Variants in PPME1 observed in about 807,000 individuals in gnomAD.
PPME1 encodes protein phosphatase methylesterase 1, also known as testicular secretory protein Li 39.
PPME1 carries 17 observed loss-of-function variants against 56.9 expected under a neutral mutation model. The ratio of observed to expected loss-of-function variants is 0.30; its 90% confidence interval spans 0.20 to 0.45. The LOEUF is 0.45. PPME1 is among the 20% of genes least tolerant of loss of function. The pLI is 1.00. For missense variants in PPME1, 357 were observed against 483.2 expected (o/e 0.74, Z 2.45); for synonymous variants, 122 against 156.2 (o/e 0.78, Z 1.63).
chr11:74,194,438 G>T (rs1273594663), intron 1 of PPME1, among the ~76,000 whole-genome samples: 1 of 152,088 alleles, frequency 6.6e-6, no homozygotes, highest in African/African-American at 2.4e-5. Flanking sequence ...TGGTCTAAGT[G>T]CCTCTCTGGA....
intron 1 of PPME1, among the ~76,000 whole-genome samples, chr11:74,202,827 C>T (rs894739159): frequency 6.6e-6 from 1 of 152,118 alleles, no homozygotes; most frequent in African/African-American, 2.4e-5. Context: ...CCCAATCATA[C>T]TTTCCTTTCC....
chr11:74,204,316 G>A (rs759924832), intron 2 of PPME1, 37 bp from the exon 3 acceptor site: 2 of 1,524,758 alleles, frequency 1.3e-6, no homozygotes, highest in South Asian at 2.3e-5. Context: ...ACTTTAGTGA[G>A]CAAAAACATA....
intron 3 of PPME1, among the ~76,000 whole-genome samples, chr11:74,221,644 T>G (rs1013586963): frequency 1.3e-5 from 2 of 152,172 alleles, no homozygotes; most frequent in Non-Finnish European, 2.9e-5. Context: ...AAGTTAAAAT[T>G]TGGTGACATT....
At chr11:74,185,653 T>C (rs1355639492) in intron 1 of PPME1, among the ~76,000 whole-genome samples, 2 of 150,498 alleles carry the variant, frequency 1.3e-5, no homozygotes, top group Admixed American at 6.6e-5. Context: ...ATTATATCTT[T>C]TTTTTTTTTT....
chr11:74,210,994 C>T (rs552486127), intron 3 of PPME1, among the ~76,000 whole-genome samples: 1 of 152,278 alleles, frequency 6.6e-6, no homozygotes, highest in South Asian at 2.1e-4. Context: ...TGACAAACTA[C>T]TAGTTAAGCA....
chr11:74,204,146 A>ATGT (rs113525320), intron 2 of PPME1, among the ~76,000 whole-genome samples: 279 of 143,284 alleles, frequency 1.9e-3, no homozygotes, highest in African/African-American at 6.7e-3. Context: ...GGCAAAGGGA[A>ATGT]TTTTTTTTTT....
chr11:74,195,731 A>G (rs1213663194), intron 1 of PPME1, among the ~76,000 whole-genome samples: 1 of 152,146 alleles, frequency 6.6e-6, no homozygotes, highest in East Asian at 1.9e-4. Flanking sequence ...GGCTTCCTAT[A>G]TTTTGTCAAC....
intron 1 of PPME1, among the ~76,000 whole-genome samples, chr11:74,185,671 T>A (rs759846088): frequency 2.8e-4 from 43 of 151,896 alleles, no homozygotes; most frequent in Non-Finnish European, 5.0e-4. Context: ...TTTTTTAACT[T>A]TTCGAGTTGT....
chr11:74,175,531 T>C (rs1251856008), intron 1 of PPME1, among the ~76,000 whole-genome samples: 1 of 152,144 alleles, frequency 6.6e-6, no homozygotes, highest in Admixed American at 6.5e-5. Context: ...TTTTCTATTA[T>C]TATCTCTTAA....
intron 11 of PPME1, chr11:74,249,341 C>T (rs1859593124): frequency 6.6e-6 from 1 of 152,210 alleles, no homozygotes; most frequent in Admixed American, 6.5e-5. Context: ...ATAATTTAGG[C>T]TCTCTGAACC....
chr11:74,216,257 T>A (rs1858639382), intron 3 of PPME1, among the ~76,000 whole-genome samples: 1 of 152,188 alleles, frequency 6.6e-6, no homozygotes, highest in Non-Finnish European at 1.5e-5. Flanking sequence ...AAACAAGTCT[T>A]GGATAACATT....
chr11:74,173,942 T>C (rs1857346055), intron 1 of PPME1, among the ~76,000 whole-genome samples: 1 of 152,226 alleles, frequency 6.6e-6, no homozygotes, highest in Non-Finnish European at 1.5e-5. Flanking sequence ...TATGATAGTA[T>C]TGTGAAGAGA....
At chr11:74,216,607 C>T (rs534963412) in intron 3 of PPME1, among the ~76,000 whole-genome samples, 23 of 151,668 alleles carry the variant, frequency 1.5e-4, no homozygotes, top group African/African-American at 2.2e-4. Context: ...ACAAACCAAA[C>T]GCAAAATTAG....
chr11:74,233,352 TG>T (rs1859116041), intron 7 of PPME1, among the ~76,000 whole-genome samples: 1 of 152,216 alleles, frequency 6.6e-6, no homozygotes, highest in African/African-American at 2.4e-5. Context: ...ATGAGGTATT[TG>T]GTAATTTTGT....
chr11:74,198,992 C>T (rs185554885), intron 1 of PPME1: 5 of 152,318 alleles, frequency 3.3e-5, no homozygotes, highest in Non-Finnish European at 5.9e-5. Context: ...CTAATTGTGT[C>T]AGCTTCTTTT....
At chr11:74,176,891 C>T (rs1247909676) in intron 1 of PPME1, among the ~76,000 whole-genome samples, 5 of 151,714 alleles carry the variant, frequency 3.3e-5, no homozygotes, top group African/African-American at 4.8e-5. Flanking sequence ...CCACCACACC[C>T]AGCTAATTTT....
At chr11:74,226,905 C>T (rs1252172678) in intron 5 of PPME1, among the ~76,000 whole-genome samples, 1 of 152,144 alleles carries the variant, frequency 6.6e-6, no homozygotes, top group African/African-American at 2.4e-5. Flanking sequence ...AAGGAGCAGC[C>T]ACTACTCCCT....
chr11:74,196,942 C>A (rs1857997965), intron 1 of PPME1, among the ~76,000 whole-genome samples: 1 of 152,178 alleles, frequency 6.6e-6, no homozygotes, highest in South Asian at 2.1e-4. Context: ...ACCATAAACA[C>A]CTAGAGGCTA....
intron 3 of PPME1, among the ~76,000 whole-genome samples, chr11:74,213,964 G>GA (rs1858549593): frequency 6.6e-6 from 1 of 152,164 alleles, no homozygotes; most frequent in South Asian, 2.1e-4. Flanking sequence ...GACTGTCTAG[G>GA]AAAACATGAC....
Sources: allele counts gnomAD v4.1 joint callset (sites outside exome capture counted in the v4.1 genomes callset), GRCh38; gene constraint gnomAD v4.1.1; transcripts MANE v1.5; gene names NCBI Gene and HGNC (gene_info 2026-07-23, HGNC 2026-07-21).